GPR39: variants seen among roughly 807,000 people sequenced by gnomAD.
GPR39 encodes zinc sensing receptor.
Under a neutral mutation model 18.4 loss-of-function variants are expected in GPR39, and 23 were observed. That is an observed-to-expected ratio of 1.25 (90% CI 0.90 to 1.77). The LOEUF (loss-of-function observed/expected upper bound fraction) is 1.77, where lower values mean the gene tolerates loss of function less well. GPR39 is among the 40% of genes most tolerant of loss of function. GPR39 has a pLI of 0.00. For synonymous variants in GPR39, 280 were observed against 257.9 expected, an observed-to-expected ratio of 1.09 and a Z score of -0.82; for missense variants, 647 against 602.4, an observed-to-expected ratio of 1.07 and a Z score of -0.78.
chr2:132,629,321 C>T (rs752505463), intron 1 of GPR39, among the ~76,000 whole-genome samples: 34 of 152,136 alleles, frequency 2.2e-4, no homozygotes, highest in South Asian at 2.1e-4. Flanking sequence ...AGCTTCTGCA[C>T]GTCCAACAAG....
chr2:132,589,996 C>G (rs1388486482), intron 1 of GPR39, among the ~76,000 whole-genome samples: 1 of 152,196 alleles, frequency 6.6e-6, no homozygotes, highest in East Asian at 1.9e-4. Flanking sequence ...GCTTAAAGTT[C>G]ATTTGAACAA....
intron 1 of GPR39, among the ~76,000 whole-genome samples, chr2:132,587,551 A>T (rs77354775): frequency 1.3e-5 from 2 of 151,980 alleles, no homozygotes; most frequent in African/African-American, 4.8e-5. Flanking sequence ...TTTTCTTTTG[A>T]GATGGAGTCT....
chr2:132,596,772 A>G (rs980592015), intron 1 of GPR39, among the ~76,000 whole-genome samples: 5 of 152,200 alleles, frequency 3.3e-5, no homozygotes, highest in Non-Finnish European at 7.3e-5. Context: ...CCCAATGACC[A>G]AACTGAACCC....
chr2:132,560,720 C>T (rs1389057327), intron 1 of GPR39, among the ~76,000 whole-genome samples: 1 of 152,164 alleles, frequency 6.6e-6, no homozygotes, highest in South Asian at 2.1e-4. Context: ...CCATCCAGTC[C>T]TCACCAGGTA....
chr2:132,510,327 T>C (rs1281344732), intron 1 of GPR39, among the ~76,000 whole-genome samples: 1 of 152,138 alleles, frequency 6.6e-6, no homozygotes, highest in East Asian at 1.9e-4. Context: ...AGGATGTAAT[T>C]TGAGCCAGTC....
intron 1 of GPR39, among the ~76,000 whole-genome samples, chr2:132,561,396 G>GC (rs1680251290): frequency 6.6e-6 from 1 of 152,044 alleles, no homozygotes; most frequent in Non-Finnish European, 1.5e-5. Context: ...CCTGGCTCCT[G>GC]CCCCCCATTA....
intron 1 of GPR39, among the ~76,000 whole-genome samples, chr2:132,560,316 C>G (rs12463443): frequency 0.31 from 46,959 of 151,924 alleles, 8,035 homozygotes; most frequent in East Asian, 0.77. Flanking sequence ...TCTTTTTCCT[C>G]AACCATAAAC....
At position 132,417,690 on chromosome 2, in the gene GPR39, C is replaced by T. The variant is rs1394317011; in HGVS notation, c.648C>T (p.Arg216=). Residue 216 remains arginine (R), a synonymous_variant, in exon 1 of 2, where the codon CGC becomes CGT. Transcript: ENST00000329321. ...NMSICTNLSS[R]WTVFQSSIFG... Reference sequence around the variant, plus strand: ...CCATCTGTACCAACCTCTCCAGCCGCTGGACCGTGTTCCAGTCCAGCATCT... The same window carrying T: ...CCATCTGTACCAACCTCTCCAGCCGTTGGACCGTGTTCCAGTCCAGCATCT... 2 of 1,614,102 alleles carry T rather than the reference C, an allele frequency of 1.2e-6. No homozygotes were observed. Among genetic ancestry groups the T allele is most frequent in the African/African-American group, 2.7e-5 (2 of 74,942 alleles).
intron 1 of GPR39, among the ~76,000 whole-genome samples, chr2:132,552,831 T>TATATACAC (rs1680068300): frequency 9.7e-6 from 1 of 103,140 alleles, no homozygotes; most frequent in African/African-American, 4.1e-5. Context: ...TGTATATATA[T>TATATACAC]ACATATATAT....
chr2:132,628,267 G>A (rs1371964227), intron 1 of GPR39, among the ~76,000 whole-genome samples: 1 of 152,156 alleles, frequency 6.6e-6, no homozygotes, highest in East Asian at 1.9e-4. Flanking sequence ...CTGCTTCCCA[G>A]CCTTCCTTTC....
intron 1 of GPR39, among the ~76,000 whole-genome samples, chr2:132,588,006 AC>A (rs1680761993): frequency 6.6e-6 from 1 of 152,204 alleles, no homozygotes; most frequent in African/African-American, 2.4e-5. Context: ...GAGGTGTCTT[AC>A]TTGGGCCTTC....
At chr2:132,575,114 C>T (rs1680507314) in intron 1 of GPR39, among the ~76,000 whole-genome samples, 1 of 152,020 alleles carries the variant, frequency 6.6e-6, no homozygotes, top group Admixed American at 6.5e-5. Flanking sequence ...TTTTGGAGTT[C>T]ATTTTATATC....
intron 1 of GPR39, among the ~76,000 whole-genome samples, chr2:132,613,282 C>T (rs1021842927): frequency 1.3e-5 from 2 of 152,212 alleles, no homozygotes; most frequent in Non-Finnish European, 2.9e-5. Context: ...TAGACAGACA[C>T]TTGTGCAAGG....
At chr2:132,563,754 C>A (rs1488724257) in intron 1 of GPR39, among the ~76,000 whole-genome samples, 1 of 152,180 alleles carries the variant, frequency 6.6e-6, no homozygotes, top group African/African-American at 2.4e-5. Context: ...GGGGCCCTGG[C>A]ATTGTTTTGC....
chr2:132,529,791 T>G (rs1301489736), intron 1 of GPR39, among the ~76,000 whole-genome samples: 1 of 151,794 alleles, frequency 6.6e-6, no homozygotes, highest in Admixed American at 6.6e-5. Flanking sequence ...CAGCTGAGGG[T>G]CCTGACTGTT....
intron 1 of GPR39, chr2:132,523,697 G>C (rs1448829133): frequency 6.6e-6 from 1 of 152,272 alleles, no homozygotes; most frequent in Non-Finnish European, 1.5e-5. Context: ...CTGGCTAGAC[G>C]GGTGTCCCTT....
chr2:132,584,956 C>T (rs3109154), intron 1 of GPR39, among the ~76,000 whole-genome samples: 69,587 of 152,004 alleles, frequency 0.46, 16,390 homozygotes, highest in East Asian at 0.76. Flanking sequence ...AACCTGAGCA[C>T]GGGGGAAGGG....
intron 1 of GPR39, among the ~76,000 whole-genome samples, chr2:132,546,231 T>C (rs113437884): frequency 6.6e-6 from 1 of 152,146 alleles, no homozygotes; most frequent in Non-Finnish European, 1.5e-5. Context: ...GGGTCCCCAC[T>C]CTAGAGTTGT....
chr2:132,467,197 G>A (rs990377592), intron 1 of GPR39, among the ~76,000 whole-genome samples: 1 of 152,188 alleles, frequency 6.6e-6, no homozygotes, highest in Non-Finnish European at 1.5e-5. Flanking sequence ...CAGGTGTTGA[G>A]CATAGATTCA....
Sources: gnomAD v4.1 joint callset for allele counts (sites outside exome capture counted in the v4.1 genomes callset) on GRCh38, gnomAD v4.1.1 for gene constraint, MANE v1.5 for transcripts, NCBI Gene and HGNC (gene_info 2026-07-23, HGNC 2026-07-21) for gene names.